The following PNKD variants were observed in gnomAD, a reference collection of about 807,000 sequenced individuals.
PNKD encodes the protein PNKD metallo-beta-lactamase domain containing, also known as probable thioesterase PNKD.
PNKD carries 36 observed loss-of-function variants against 45.3 expected under a neutral mutation model. The observed-to-expected ratio is 0.80, with a 90% CI of 0.61 to 1.05. The LOEUF (loss-of-function observed/expected upper bound fraction) is 1.05. Ranked by LOEUF, PNKD falls within the 50% of genes least tolerant of loss-of-function variation. PNKD has a pLI of 0.00. For synonymous variants in PNKD, 197 were observed against 210.1 expected, an observed-to-expected ratio of 0.94 and a Z score of 0.54; for missense variants, 511 against 506.6, an observed-to-expected ratio of 1.01 and a Z score of -0.08.
At chr2:218,292,964 C>T (rs1345212523) in intron 2 of PNKD, among the ~76,000 whole-genome samples, 1 of 152,216 alleles carries the variant, frequency 6.6e-6, no homozygotes, top group Non-Finnish European at 1.5e-5. Flanking sequence ...TGAAGTATTC[C>T]ATTGCATGGC....
intron 2 of PNKD, chr2:218,286,742 G>C (rs549717361): frequency 6.6e-6 from 1 of 152,410 alleles, no homozygotes; most frequent in African/African-American, 2.4e-5. Context: ...GAGGAGGCCT[G>C]AGCTACTGGG....
At chr2:218,339,325 G>A (rs1694600266) in intron 2 of PNKD, among the ~76,000 whole-genome samples, 1 of 150,948 alleles carries the variant, frequency 6.6e-6, no homozygotes, top group African/African-American at 2.4e-5. Context: ...GTGGTGCGAT[G>A]CCCAATTCTC....
chr2:218,303,051 T>C (rs938990698), intron 2 of PNKD, among the ~76,000 whole-genome samples: 3 of 152,186 alleles, frequency 2.0e-5, no homozygotes, highest in Admixed American at 1.3e-4. Context: ...GTGATTCTTC[T>C]GCCTCAGCCT....
intron 2 of PNKD, among the ~76,000 whole-genome samples, chr2:218,333,698 A>G (rs1176361891): frequency 6.6e-6 from 1 of 152,186 alleles, no homozygotes; most frequent in Non-Finnish European, 1.5e-5. Context: ...TTCTGTTGCC[A>G]GAGCCTCTGT....
At chr2:218,311,928 G>A (rs1292238271) in intron 2 of PNKD, among the ~76,000 whole-genome samples, 1 of 152,198 alleles carries the variant, frequency 6.6e-6, no homozygotes, top group Non-Finnish European at 1.5e-5. Flanking sequence ...CGGTCCCTGC[G>A]GCTTTCCGCA....
chr2:218,281,847 A>C (rs1692034079), intron 2 of PNKD: 3 of 991,296 alleles, frequency 3.0e-6, no homozygotes, highest in Non-Finnish European at 4.6e-6. Context: ...ATTTAAGGGA[A>C]ACTAGAAGAG....
intron 2 of PNKD, among the ~76,000 whole-genome samples, chr2:218,335,148 C>A (rs1475527070): frequency 1.3e-5 from 2 of 151,232 alleles, no homozygotes; most frequent in South Asian, 4.2e-4. Flanking sequence ...AAGATCCCAT[C>A]TCTTTAAAAA....
chr2:218,275,314 TC>T (rs1347149306), intron 2 of PNKD: 1 of 925,558 alleles, frequency 1.1e-6, no homozygotes, highest in African/African-American at 1.7e-5. Context: ...TACCCACACA[TC>T]CATAGCCAGA....
chr2:218,289,637 A>AAC (rs1238411892), intron 2 of PNKD, among the ~76,000 whole-genome samples: 14 of 151,206 alleles, frequency 9.3e-5, no homozygotes, highest in African/African-American at 3.2e-4. Flanking sequence ...AAAAAAAAAA[A>AAC]AAAAAAAAAC....
At chr2:218,279,377 G>T in intron 2 of PNKD, 3 of 1,537,726 alleles carry the variant, frequency 2.0e-6, no homozygotes, top group East Asian at 4.6e-5. Flanking sequence ...GCCGGGCATG[G>T]GTCACCATCC....
chr2:218,272,503 T>C, intron 2 of PNKD: 2 of 1,456,720 alleles, frequency 1.4e-6, no homozygotes, highest in Admixed American at 1.7e-5. Flanking sequence ...CTAGAATGAC[T>C]CCCCCCAGCT....
intron 2 of PNKD, among the ~76,000 whole-genome samples, chr2:218,314,318 C>T (rs1693708077): frequency 6.8e-6 from 1 of 147,634 alleles, no homozygotes; most frequent in African/African-American, 2.5e-5. Flanking sequence ...ACCTCCCAGG[C>T]CCAAGAGATC....
chr2:218,273,073 A>C, intron 2 of PNKD: 1 of 626,990 alleles, frequency 1.6e-6, no homozygotes, highest in South Asian at 2.0e-5. Flanking sequence ...CAGAGACTTA[A>C]GTGCAACCAG....
chr2:218,341,588 G>A lies in PNKD; in HGVS notation c.579G>A (p.Val193=), dbSNP rs1378240041. 3.8e-6 allele frequency: 6 copies of A among 1,595,980 alleles called. No individual in the cohort carries two copies. The highest frequency in any genetic ancestry group is 1.1e-5 in the South Asian group (1 of 88,030). ...DLSRRHRDCR[V]YGSPQDGIPY... ...GCCGGCGGCACCGGGACTGTCGGGT[G>A]TACGGGAGCCCTCAGGACGGCATCC... The change falls in exon 6 of 10, where the codon GTG becomes GTA. Residue 193 remains valine (V), a synonymous_variant. Transcript: ENST00000273077.
At position 218,277,745 on chromosome 2, in the gene PNKD, T is replaced by A. The variant is rs917491489; in HGVS notation, c.236+6196T>A. ...CAGGGTGCTGGGGGAGTGGCCATGG[T>A]GGCCTCTGCCAGAGCTGGGGAACGC... On this transcript the variant is annotated intron_variant, in intron 2 of 9. Coordinates refer to ENST00000273077, the MANE Select transcript of PNKD (RefSeq NM_015488.5). 1.9e-6 allele frequency: 3 copies of A among 1,594,630 alleles called. No individual in the cohort carries two copies. In the African/African-American group the frequency reaches 4.0e-5, roughly 21 times the overall value.
At chr2:218,293,600 T>TTTTTC (rs1693053732) in intron 2 of PNKD, among the ~76,000 whole-genome samples, 1 of 149,206 alleles carries the variant, frequency 6.7e-6, no homozygotes, top group Non-Finnish European at 1.5e-5. Flanking sequence ...TTTTTTTTTT[T>TTTTTC]TTCCAGACAG....
At chr2:218,292,624 C>T (rs537845010) in intron 2 of PNKD, 2 of 151,982 alleles carry the variant, frequency 1.3e-5, no homozygotes, top group South Asian at 4.2e-4. Context: ...GGGGTCTGTC[C>T]CGGGCGCGCG....
At chr2:218,334,077 T>C (rs1226580343) in intron 2 of PNKD, among the ~76,000 whole-genome samples, 1 of 151,214 alleles carries the variant, frequency 6.6e-6, no homozygotes, top group African/African-American at 2.4e-5. Context: ...ATCATGCCAC[T>C]GCACTCCTGC....
chr2:218,277,478 CAA>C (rs749842610), intron 2 of PNKD: 18 of 1,613,312 alleles, frequency 1.1e-5, no homozygotes, highest in African/African-American at 6.7e-5. Flanking sequence ...GAGTTACAGA[CAA>C]GAGGCATTAA....
Sources: gnomAD v4.1 joint callset for allele counts (sites outside exome capture counted in the v4.1 genomes callset) on GRCh38, gnomAD v4.1.1 for gene constraint, MANE v1.5 for transcripts, NCBI Gene and HGNC (gene_info 2026-07-23, HGNC 2026-07-21) for gene names.